PKD1L1: variants seen among roughly 807,000 people sequenced by gnomAD.
PKD1L1 encodes polycystin-1-like protein 1.
A neutral mutation model predicts 323.4 loss-of-function variants in PKD1L1; 236 were observed. That is an observed-to-expected ratio of 0.73 (90% CI 0.66 to 0.81). The LOEUF (loss-of-function observed/expected upper bound fraction) is 0.81, where lower values mean the gene tolerates loss of function less well. Ranked by LOEUF, PKD1L1 falls within the 40% of genes least tolerant of loss-of-function variation. The pLI, the probability that PKD1L1 is intolerant of heterozygous loss-of-function variation, is 0.00. For missense variants in PKD1L1, 3,320 were observed against 3,508.0 expected, an observed-to-expected ratio of 0.95 and a Z score of 1.35; for synonymous variants, 1,344 against 1,335.0, an observed-to-expected ratio of 1.01 and a Z score of -0.15.
intron 46 of PKD1L1, among the ~76,000 whole-genome samples, chr7:47,816,223 A>G (rs1010340173): frequency 6.6e-6 from 1 of 152,260 alleles, no homozygotes; most frequent in East Asian, 1.9e-4. Context: ...GATGAAGTGC[A>G]GTGTTGGCAC....
chr7:47,934,076 G>T (rs1230236352), intron 4 of PKD1L1, among the ~76,000 whole-genome samples: 3 of 152,168 alleles, frequency 2.0e-5, no homozygotes, highest in Admixed American at 2.0e-4. Flanking sequence ...GTTTGCTGTG[G>T]AATGTTTACC....
chr7:47,885,812 C>A lies in PKD1L1; in HGVS notation c.3079G>T (p.Val1027Phe). Residue 1027 changes from valine (V) to phenylalanine (F), a missense_variant, in exon 18 of 57, where the codon GTC (valine) becomes TTC (phenylalanine). By Grantham distance (50) the Val-to-Phe change is conservative (BLOSUM62 -1). Transcript: ENST00000289672. ...CCTTCCTCTGGAGCCTCCCCCAGGA[C>A]TGCAGAGTCCCCCGCAGGAGGAATC... is the stretch of plus-strand genomic sequence containing the variant. ...YWIPPAGDSA[V>F]LGEAPEEGSL... 6.2e-7 allele frequency: 1 copy of A among 1,614,206 alleles called. No homozygotes were observed. Among genetic ancestry groups the A allele is most frequent in the Non-Finnish European group, 8.5e-7 (1 of 1,180,038 alleles).
intron 32 of PKD1L1, among the ~76,000 whole-genome samples, chr7:47,846,032 C>T (rs1169441930): frequency 4.6e-5 from 7 of 152,172 alleles, no homozygotes; most frequent in Non-Finnish European, 8.8e-5. Flanking sequence ...GGATGTGCTC[C>T]TAGCAATGGC....
chr7:47,921,468 T>A (rs1258618551), intron 7 of PKD1L1, among the ~76,000 whole-genome samples: 1 of 152,178 alleles, frequency 6.6e-6, no homozygotes, highest in Non-Finnish European at 1.5e-5. Context: ...TGGAAAACAG[T>A]ATGGAGATTA....
At chr7:47,819,553 G>A (rs1370902780) in intron 46 of PKD1L1, 2 of 1,362,814 alleles carry the variant, frequency 1.5e-6, no homozygotes, top group Non-Finnish European at 2.0e-6. Context: ...TAGGAGAGCT[G>A]AAAAGTTGGT....
chr7:47,853,098 A>G (rs1264763716), intron 31 of PKD1L1, 29 bp downstream of exon 31: 3 of 1,446,982 alleles, frequency 2.1e-6, no homozygotes, highest in Admixed American at 3.4e-5. Context: ...GTAAACAGAA[A>G]GGGAAAATAA....
chr7:47,865,744 C>A (rs551120753), intron 25 of PKD1L1, among the ~76,000 whole-genome samples: 112 of 143,258 alleles, frequency 7.8e-4, no homozygotes, highest in Non-Finnish European at 1.4e-3. Context: ...TGCCACCACA[C>A]CTGGCTAATT....
At chr7:47,827,489 G>A (rs1287626631) in intron 44 of PKD1L1, 21 bp from the exon 45 acceptor site, 1 of 1,588,158 alleles carries the variant, frequency 6.3e-7, no homozygotes, top group Non-Finnish European at 8.6e-7. Flanking sequence ...CAAGAGTGCT[G>A]TGAGCTGCGG....
At chr7:47,807,828 C>T (rs1784812690) in intron 52 of PKD1L1, among the ~76,000 whole-genome samples, 1 of 152,224 alleles carries the variant, frequency 6.6e-6, no homozygotes, top group African/African-American at 2.4e-5. Context: ...GGACCTGATA[C>T]TCTGTGAGCT....
intron 16 of PKD1L1, among the ~76,000 whole-genome samples, chr7:47,889,600 G>A (rs894087096): frequency 2.0e-5 from 3 of 152,098 alleles, no homozygotes; most frequent in Non-Finnish European, 4.4e-5. Flanking sequence ...TCCAGGGAAT[G>A]ACCTTCAAAG....
chr7:47,838,037 C>T (rs1349735085), intron 36 of PKD1L1, among the ~76,000 whole-genome samples: 1 of 152,222 alleles, frequency 6.6e-6, no homozygotes, highest in Admixed American at 6.5e-5. Flanking sequence ...GGAGGATAAG[C>T]AACGTATGTC....
At chr7:47,894,865 A>AC (rs1353831415) in intron 14 of PKD1L1, among the ~76,000 whole-genome samples, 2 of 151,552 alleles carry the variant, frequency 1.3e-5, no homozygotes, top group African/African-American at 2.4e-5. Context: ...CAAAAAAAAA[A>AC]AAAAACTGAC....
chr7:47,813,358 G>A, intron 48 of PKD1L1, 65 bp from the exon 49 acceptor site: 1 of 1,567,280 alleles, frequency 6.4e-7, no homozygotes, highest in Non-Finnish European at 8.7e-7. Context: ...GCAATCCGGG[G>A]TCTCCAGGCC....
chr7:47,803,391 A>G (rs1784709213), intron 52 of PKD1L1, 47 bp from the exon 53 acceptor site: 2 of 1,606,164 alleles, frequency 1.2e-6, no homozygotes, highest in Non-Finnish European at 1.7e-6. Flanking sequence ...CAGTCACTGA[A>G]AGGTGCAGAC....
intron 46 of PKD1L1, among the ~76,000 whole-genome samples, chr7:47,817,281 C>A (rs1430323956): frequency 6.6e-6 from 1 of 152,054 alleles, no homozygotes; most frequent in Non-Finnish European, 1.5e-5. Context: ...ATTTACACCA[C>A]GGAAATTGGC....
intron 1 of PKD1L1, among the ~76,000 whole-genome samples, chr7:47,947,784 A>G (rs879411438): frequency 8.5e-5 from 13 of 152,236 alleles, no homozygotes; most frequent in East Asian, 7.7e-4. Context: ...TGGCTAACAC[A>G]GTGAAACCCC....
In PKD1L1 at chr7:47,866,510, G is replaced by A; in HGVS notation, c.4001C>T (p.Ser1334Phe). ...GCAGGAGGCAGTTTTGTCCTCCTTAGACAAACGACTCAGGATTCTGGTGAT... is the reference window on the plus strand; with the variant it reads ...GCAGGAGGCAGTTTTGTCCTCCTTAAACAAACGACTCAGGATTCTGGTGAT... ...TVITRILSRL[S>F]KEDKTASCNQ... The change falls in exon 25 of 57, where the codon TCT becomes TTT. Residue 1334 changes from serine (S) to phenylalanine (F), a missense_variant. Ser to Phe is a radical substitution (Grantham distance 155). Coordinates refer to ENST00000289672, the MANE Select transcript of PKD1L1 (RefSeq NM_138295.5). 2 of 1,610,854 alleles carry A rather than the reference G, an allele frequency of 1.2e-6. No individual in the cohort carries two copies. The highest frequency in any genetic ancestry group is 1.7e-6 in the Non-Finnish European group (2 of 1,178,334).
chr7:47,940,914 A>G (rs1000406836), intron 2 of PKD1L1, among the ~76,000 whole-genome samples: 5 of 152,218 alleles, frequency 3.3e-5, no homozygotes, highest in African/African-American at 1.2e-4. Flanking sequence ...GAGCATCTGG[A>G]ATAGGATCTG....
At position 47,858,674 on chromosome 7, in the gene PKD1L1, A is replaced by G. The variant is rs753169710; in HGVS notation, c.4361T>C (p.Leu1454Ser). ...EGITVISDLL[L>S]GCLSLNHVST... Reference sequence around the variant, plus strand: ...GGATGGAGAAAAAGTGTGACTTACCAACAATAAATCTGAGATGACTGTAAT... The same window carrying G: ...GGATGGAGAAAAAGTGTGACTTACCGACAATAAATCTGAGATGACTGTAAT... The change falls in exon 27 of 57, where the codon TTG (leucine) becomes TCG (serine). Residue 1454 changes from leucine to serine, a missense_variant and splice_region_variant. Coordinates refer to ENST00000289672, the MANE Select transcript of PKD1L1 (RefSeq NM_138295.5). 11 of 1,609,284 alleles carry G rather than the reference A, an allele frequency of 6.8e-6. No homozygotes were observed. The Admixed American group carries it at 1.8e-4, about 27-fold the overall frequency.
Sources: gnomAD v4.1 joint callset for allele counts (sites outside exome capture counted in the v4.1 genomes callset) on GRCh38, gnomAD v4.1.1 for gene constraint, MANE v1.5 for transcripts, NCBI Gene and HGNC (gene_info 2026-07-23, HGNC 2026-07-21) for gene names.